The following SLC9A4 variants were observed in gnomAD, a reference collection of about 807,000 sequenced individuals.
SLC9A4 encodes the protein sodium/hydrogen exchanger 4.
SLC9A4 carries 63 observed loss-of-function variants against 67.4 expected under a neutral mutation model. The observed-to-expected ratio is 0.93, with a 90% CI of 0.76 to 1.15. The LOEUF (loss-of-function observed/expected upper bound fraction) is 1.15. SLC9A4 is among the 50% of genes most tolerant of loss of function. The pLI, the probability that SLC9A4 is intolerant of heterozygous loss-of-function variation, is 0.00. For missense variants in SLC9A4, 1,089 were observed against 987.7 expected (o/e 1.10, Z -1.38); for synonymous variants, 393 against 367.2 (o/e 1.07, Z -0.80).
At chr2:102,477,579 A>T (rs1684360684) in intron 1 of SLC9A4, among the ~76,000 whole-genome samples, 2 of 152,180 alleles carry the variant, frequency 1.3e-5, no homozygotes, top group African/African-American at 4.8e-5. Flanking sequence ...GTAGACAGGG[A>T]TTATTGTTAT....
chr2:102,482,862 A>G (rs1325161068), intron 2 of SLC9A4, among the ~76,000 whole-genome samples: 1 of 152,260 alleles, frequency 6.6e-6, no homozygotes, highest in South Asian at 2.1e-4. Flanking sequence ...AAACTCAGAT[A>G]TAATCTACAA....
At position 102,525,061 on chromosome 2, in the gene SLC9A4, C is replaced by G. The variant is rs143165841; in HGVS notation, c.1856C>G (p.Thr619Arg). ...SYNKYNLKPQTSEKQAKEILI... is the reference protein window; with the variant it reads ...SYNKYNLKPQRSEKQAKEILI... ...AACAAATACAACCTCAAACCCCAAA[C>G]AAGTGAGAAGCAGGCTAAAGAGATT... Residue 619 changes from threonine (T) to arginine (R), a missense_variant, in exon 10 of 12, where the codon ACA becomes AGA. Coordinates refer to ENST00000295269, the MANE Select transcript of SLC9A4 (RefSeq NM_001011552.4). 2.9e-4 allele frequency: 467 copies of G among 1,614,090 alleles called. No individual in the cohort carries two copies. In the African/African-American group the frequency reaches 5.7e-3, roughly 20 times the overall value.
chr2:102,512,165 G>A (rs763732592), intron 6 of SLC9A4, 38 bp from the exon 7 acceptor site: 3 of 1,612,276 alleles, frequency 1.9e-6, no homozygotes, highest in South Asian at 1.1e-5. Context: ...CAGAGTTCGC[G>A]TTTCTCCAGC....
intron 11 of SLC9A4, 51 bp from the exon 12 acceptor site, chr2:102,532,279 C>A: frequency 6.4e-7 from 1 of 1,552,118 alleles, no homozygotes; most frequent in Non-Finnish European, 8.7e-7. Context: ...TAAGTCTTAA[C>A]TCTGATCTTA....
At chr2:102,499,381 T>A (rs919611710) in intron 2 of SLC9A4, among the ~76,000 whole-genome samples, 6 of 152,342 alleles carry the variant, frequency 3.9e-5, no homozygotes, top group African/African-American at 1.4e-4. Context: ...TTGTGGGGGT[T>A]TCCCTTTGCT....
rs146323025 is a variant in SLC9A4 at position 102,508,931 on chromosome 2, C to T, written c.1486C>T (p.Arg496Cys). Residue 496 changes from arginine to cysteine, a missense_variant and splice_region_variant, in exon 6 of 12, where the codon CGT (arginine) becomes TGT (cysteine). Coordinates refer to ENST00000295269, the MANE Select transcript of SLC9A4 (RefSeq NM_001011552.4). ...KESINEELHI[R>C]LMDHLKAGIE... ...ATCCATCAATGAAGAGCTTCATATT[C>T]GTGTAAGTTATCTCATAGTCACAAT... is the stretch of plus-strand genomic sequence containing the variant. The T allele has an allele frequency of 8.7e-6, 14 of 1,607,524 alleles. No homozygotes were observed. The highest frequency in any genetic ancestry group is 2.2e-5 in the East Asian group (1 of 44,766).
chr2:102,489,030 C>T (rs1260278431), intron 2 of SLC9A4, among the ~76,000 whole-genome samples: 2 of 152,202 alleles, frequency 1.3e-5, no homozygotes, highest in Non-Finnish European at 2.9e-5. Context: ...TCAGAAAAAG[C>T]AAATTACAGA....
At chr2:102,517,852 C>G (rs1054531924) in intron 8 of SLC9A4, among the ~76,000 whole-genome samples, 1 of 152,192 alleles carries the variant, frequency 6.6e-6, no homozygotes, top group Non-Finnish European at 1.5e-5. Flanking sequence ...TGATGAAGAT[C>G]TCCTTTATGG....
At chr2:102,512,114 C>T in intron 6 of SLC9A4, 89 bp from the exon 7 acceptor site, 1 of 1,389,544 alleles carries the variant, frequency 7.2e-7, no homozygotes. Context: ...ATTAAAGGCT[C>T]CTTTGTTTTT....
At chr2:102,529,775 C>G (rs1674740857) in intron 11 of SLC9A4, among the ~76,000 whole-genome samples, 1 of 152,164 alleles carries the variant, frequency 6.6e-6, no homozygotes, top group Admixed American at 6.5e-5. Flanking sequence ...TGCTTCCCTT[C>G]CTAGCTCTCC....
chr2:102,479,389 G>T, intron 2 of SLC9A4, 87 bp downstream of exon 2: 1 of 1,368,588 alleles, frequency 7.3e-7, no homozygotes, highest in Non-Finnish European at 9.9e-7. Flanking sequence ...GACGGCTCCA[G>T]TGTGGCTCAG....
intron 2 of SLC9A4, among the ~76,000 whole-genome samples, chr2:102,501,153 G>A (rs1236450895): frequency 4.0e-5 from 6 of 148,682 alleles, no homozygotes; most frequent in Non-Finnish European, 7.4e-5. Context: ...ATGGAGTCTC[G>A]CTCTGGCACC....
Position 102,505,320 on chromosome 2 carries a change from G to A in SLC9A4, c.1047G>A (p.Thr349=), listed in dbSNP as rs529627835. ...AAAACGTGTCCCAGACATCATACACGACCATCAAGTACTTCATGAAGATGC... is the reference window on the plus strand; with the variant it reads ...AAAACGTGTCCCAGACATCATACACAACCATCAAGTACTTCATGAAGATGC... The part of the protein sequence containing the change: ...VEENVSQTSY[T]TIKYFMKMLS... The change falls in exon 4 of 12, where the codon ACG becomes ACA. Residue 349 remains threonine (T), a synonymous_variant. Coordinates refer to ENST00000295269, the MANE Select transcript of SLC9A4 (RefSeq NM_001011552.4). The A allele has an allele frequency of 2.1e-5, 34 of 1,614,160 alleles. No homozygotes were observed. The highest frequency in any genetic ancestry group is 2.2e-5 in the East Asian group (1 of 44,882).
At position 102,474,031 on chromosome 2, in the gene SLC9A4, C is replaced by A. The variant is rs1281075232; in HGVS notation, c.256+16C>A. 1.2e-6 allele frequency: 2 copies of A among 1,609,062 alleles called. No individual in the cohort carries two copies. The highest frequency in any genetic ancestry group is 1.7e-6 in the Non-Finnish European group (2 of 1,176,904). ...GCAAAAATAGGTAAGTCCTTAAACACCTGGTTTGGTGAGTTATCTTTTTAC... is the reference window on the plus strand; with the variant it reads ...GCAAAAATAGGTAAGTCCTTAAACAACTGGTTTGGTGAGTTATCTTTTTAC... On this transcript the variant is annotated intron_variant, in intron 1 of 11. Transcript: ENST00000295269.
chr2:102,486,500 G>C (rs2104419320), intron 2 of SLC9A4, among the ~76,000 whole-genome samples: 1 of 152,306 alleles, frequency 6.6e-6, no homozygotes, highest in African/African-American at 2.4e-5. Context: ...ACAGCATCTT[G>C]AGGGGAGAGT....
intron 1 of SLC9A4, among the ~76,000 whole-genome samples, chr2:102,476,716 G>A (rs1684340750): frequency 6.6e-6 from 1 of 152,004 alleles, no homozygotes; most frequent in African/African-American, 2.4e-5. Context: ...GGAGGAGATG[G>A]ATAAGGAGAA....
In SLC9A4 at chr2:102,519,753, G is replaced by T. The variant is rs1685360593; in HGVS notation, c.1722-106G>T. On this transcript the variant is annotated intron_variant, in intron 8 of 11. Coordinates refer to ENST00000295269, the MANE Select transcript of SLC9A4 (RefSeq NM_001011552.4). Reference sequence around the variant, plus strand: ...AGGAAAAATTATATGTAGGATTCTGGAACTTAGGATTCCCCTCAGTACAGA... The same window carrying T: ...AGGAAAAATTATATGTAGGATTCTGTAACTTAGGATTCCCCTCAGTACAGA... 4 of 922,848 alleles carry T rather than the reference G, an allele frequency of 4.3e-6. No individual in the cohort carries two copies. In the African/African-American group the frequency reaches 6.8e-5, roughly 16 times the overall value. 57.2% of individuals were successfully genotyped at this position (922,848 alleles called of 1,614,324 possible). A position where few individuals can be genotyped will look rare whatever the true frequency, so the allele number is the denominator to read the frequency against.
chr2:102,488,226 T>G (rs1446222854), intron 2 of SLC9A4, among the ~76,000 whole-genome samples: 2 of 152,062 alleles, frequency 1.3e-5, no homozygotes, highest in African/African-American at 4.8e-5. Flanking sequence ...GTGGGTGTGT[T>G]GGGCTGCAGT....
At chr2:102,491,316 G>GC (rs1684692988) in intron 2 of SLC9A4, among the ~76,000 whole-genome samples, 1 of 40,384 alleles carries the variant, frequency 2.5e-5, no homozygotes, top group Non-Finnish European at 5.4e-5. Context: ...TTGTACTAAT[G>GC]CTTTTTTTTT....
Sources: allele counts gnomAD v4.1 joint callset (sites outside exome capture counted in the v4.1 genomes callset), GRCh38; gene constraint gnomAD v4.1.1; transcripts MANE v1.5; gene names NCBI Gene and HGNC (gene_info 2026-07-23, HGNC 2026-07-21).